Variants in GALNT8 observed in about 807,000 individuals in gnomAD.
GALNT8 encodes polypeptide N-acetylgalactosaminyltransferase 8.
In GALNT8, 66 loss-of-function variants were observed where a neutral mutation model predicts 62.7. The observed-to-expected ratio is 1.05, with a 90% confidence interval of 0.86 to 1.29. The LOEUF (loss-of-function observed/expected upper bound fraction) is 1.29. Among genes scored for constraint, GALNT8 ranks in the 50% most tolerant of loss-of-function variants. The pLI is 0.00. For synonymous variants in GALNT8, 288 were observed against 294.3 expected (o/e 0.98, Z 0.22); for missense variants, 771 against 791.8 (o/e 0.97, Z 0.32).
intron 7 of GALNT8, among the ~76,000 whole-genome samples, chr12:4,761,812 C>T (rs913496698): frequency 1.3e-5 from 2 of 152,070 alleles, no homozygotes; most frequent in African/African-American, 2.4e-5. Context: ...GCTCTGGCTC[C>T]GGGCCAGAGC....
chr12:4,765,173 C>G (rs1389258791), intron 9 of GALNT8, among the ~76,000 whole-genome samples: 1 of 151,926 alleles, frequency 6.6e-6, no homozygotes, highest in African/African-American at 2.4e-5. Flanking sequence ...CTAGGCCTGG[C>G]CTTCTCCCTG....
chr12:4,726,443 T>G lies in GALNT8; in HGVS notation c.212-89T>G. ...TTTTAAGATGTAGTGGGTAAACCGT[T>G]AGAGGAAATTAGGATGGAAAGGAAT... On this transcript the variant is annotated intron_variant, in intron 1 of 10. Coordinates refer to ENST00000252318, the MANE Select transcript of GALNT8 (RefSeq NM_017417.2). This position sits in a 1 kb window ranked among gnomAD's most constrained non-coding sequence, Gnocchi z 4.1. 1 of 876,980 alleles carries G rather than the reference T, an allele frequency of 1.1e-6. No individual in the cohort carries two copies. The highest frequency in any genetic ancestry group is 1.7e-5 in the African/African-American group (1 of 59,854). The allele number at this position is 876,980 out of a possible 1,614,324, so 54.3% of individuals were successfully genotyped here. A position where few individuals can be genotyped will look rare whatever the true frequency, so the allele number is the denominator to read the frequency against.
chr12:4,755,398 A>G (rs1469861619), intron 6 of GALNT8, among the ~76,000 whole-genome samples: 1 of 152,114 alleles, frequency 6.6e-6, no homozygotes, highest in East Asian at 1.9e-4. Flanking sequence ...TGAGTGCCTC[A>G]CGATTGCTGT....
chr12:4,767,833 T>G (rs1402527825), intron 10 of GALNT8, among the ~76,000 whole-genome samples: 1 of 152,236 alleles, frequency 6.6e-6, no homozygotes, highest in East Asian at 1.9e-4. Flanking sequence ...TTAAAACATT[T>G]AATGAGATAG....
chr12:4,752,727 A>G (rs1181008544), intron 6 of GALNT8, among the ~76,000 whole-genome samples: 1 of 152,142 alleles, frequency 6.6e-6, no homozygotes, highest in East Asian at 1.9e-4. Flanking sequence ...ACAGTGTTAT[A>G]ATATTCTGTG....
intron 1 of GALNT8, among the ~76,000 whole-genome samples, chr12:4,721,297 A>G (rs1946167148): frequency 6.6e-6 from 1 of 152,092 alleles, no homozygotes; most frequent in Non-Finnish European, 1.5e-5. Context: ...AGACTTTGGA[A>G]GAGAAAAAGA....
At chr12:4,759,704 C>T (rs16928034) in intron 6 of GALNT8, among the ~76,000 whole-genome samples, 2 of 152,038 alleles carry the variant, frequency 1.3e-5, no homozygotes, top group African/African-American at 2.4e-5. Context: ...ACTGAACCGC[C>T]GTGGCCTAAG....
intron 10 of GALNT8, 113 bp downstream of exon 10, chr12:4,765,659 G>A: frequency 1.4e-6 from 1 of 710,732 alleles, no homozygotes; most frequent in Non-Finnish European, 2.3e-6. Context: ...GCTGACTGAG[G>A]CTACTGACAG....
At chr12:4,751,435 A>C (rs113440709) in intron 6 of GALNT8, among the ~76,000 whole-genome samples, 1,589 of 152,176 alleles carry the variant, frequency 0.01, 36 homozygotes, top group African/African-American at 0.037. Context: ...GCTATATTCC[A>C]TAGGTTTTGG....
chr12:4,735,204 A>G (rs980841852), intron 2 of GALNT8, among the ~76,000 whole-genome samples: 1 of 152,216 alleles, frequency 6.6e-6, no homozygotes, highest in Non-Finnish European at 1.5e-5. Flanking sequence ...CAAAACAACT[A>G]TTTGACTGGA....
chr12:4,756,485 A>G (rs1047141936), intron 6 of GALNT8, among the ~76,000 whole-genome samples: 2 of 152,216 alleles, frequency 1.3e-5, no homozygotes, highest in African/African-American at 4.8e-5. Context: ...TAAGAATGTC[A>G]GGGTGGCATT....
At chr12:4,757,387 T>C (rs1231944644) in intron 6 of GALNT8, among the ~76,000 whole-genome samples, 1 of 152,260 alleles carries the variant, frequency 6.6e-6, no homozygotes, top group Non-Finnish European at 1.5e-5. Context: ...TCAGCTTCTC[T>C]GACAGAGGCT....
At chr12:4,766,439 T>C (rs1946400200) in intron 10 of GALNT8, among the ~76,000 whole-genome samples, 1 of 151,960 alleles carries the variant, frequency 6.6e-6, no homozygotes, top group African/African-American at 2.4e-5. Flanking sequence ...AGCAGAAGAG[T>C]GTTCAATACG....
At chr12:4,769,259 G>A (rs1460282020) in intron 10 of GALNT8, among the ~76,000 whole-genome samples, 2 of 152,198 alleles carry the variant, frequency 1.3e-5, no homozygotes, top group African/African-American at 4.8e-5. Flanking sequence ...GAGGAAGTGG[G>A]GAGGGAGTGC....
intron 10 of GALNT8, among the ~76,000 whole-genome samples, chr12:4,769,893 CTT>C (rs1047801835): frequency 2.6e-4 from 40 of 152,104 alleles, no homozygotes; most frequent in Admixed American, 9.2e-4. Context: ...ATTTTATATA[CTT>C]TAAAAATGTT....
At chr12:4,772,216 C>T (rs71579271) in intron 10 of GALNT8, among the ~76,000 whole-genome samples, 14 of 152,192 alleles carry the variant, frequency 9.2e-5, no homozygotes, top group East Asian at 1.9e-4. Context: ...GGGCATCACA[C>T]GAAGCCAGCG....
chr12:4,747,907 C>T (rs1008348900), intron 6 of GALNT8, among the ~76,000 whole-genome samples: 10 of 152,122 alleles, frequency 6.6e-5, no homozygotes, highest in Admixed American at 1.3e-4. Context: ...TGGATATAAG[C>T]CATTTTAACT....
rs2286582 is a variant in GALNT8 at position 4,772,609 on chromosome 12, T to C, written c.*12T>C. 880,626 of 1,597,132 alleles carry C rather than the reference T, an allele frequency of 0.55. 248,357 individuals carry two copies. The highest frequency in any genetic ancestry group is 0.59 in the Non-Finnish European group (683,266 of 1,165,900). ...CCAACAGCCAGTGATCCTCAGATGG[T>C]GCTGGATCTGGGTCATCAATTCTTG... On this transcript the variant is annotated 3_prime_UTR_variant, in exon 11 of 11. Transcript: ENST00000252318.
rs1946196871 is a variant in GALNT8 at position 4,726,653 on chromosome 12, G to C, written c.333G>C (p.Lys111Asn). Residue 111 changes from lysine (K) to asparagine (N), a missense_variant, in exon 2 of 11, where the codon AAG becomes AAC. Transcript: ENST00000252318. The surrounding 1 kb of genome is among the most constrained non-coding windows in gnomAD (Gnocchi z 4.1). ...AAACCAAGGTGAATGAGACAAAGAAGCACAAAACCCAAATGAAACTCTTCC... is the reference window on the plus strand; with the variant it reads ...AAACCAAGGTGAATGAGACAAAGAACCACAAAACCCAAATGAAACTCTTCC... ...AMETKVNETK[K>N]HKTQMKLFPH... 1.2e-6 allele frequency: 2 copies of C among 1,613,920 alleles called. No individual in the cohort carries two copies. The highest frequency in any genetic ancestry group is 2.2e-5 in the South Asian group (2 of 91,036).
Sources: allele counts gnomAD v4.1 joint callset (sites outside exome capture counted in the v4.1 genomes callset), GRCh38; gene constraint gnomAD v4.1.1; non-coding constraint Gnocchi (gnomAD v3.1); transcripts MANE v1.5; gene names NCBI Gene and HGNC (gene_info 2026-07-23, HGNC 2026-07-21).